Variants in DNM3 observed in about 807,000 individuals in gnomAD.
DNM3 encodes the protein dynamin-3.
DNM3 carries 47 observed loss-of-function variants against 101.6 expected under a neutral mutation model. The ratio of observed to expected loss-of-function variants is 0.46; its 90% CI spans 0.37 to 0.59. The LOEUF is 0.59. Ranked by LOEUF, DNM3 falls within the 20% of genes least tolerant of loss-of-function variation. The probability of loss-of-function intolerance (pLI) is 0.00; values close to 1 mark genes in which losing one functional copy is unlikely to be tolerated. For missense variants in DNM3, 849 were observed against 1,085.7 expected (o/e 0.78, Z 3.06); for synonymous variants, 385 against 387.9 (o/e 0.99, Z 0.09).
At chr1:171,847,911 T>C (rs2032407518) in intron 1 of DNM3, among the ~76,000 whole-genome samples, 1 of 151,672 alleles carries the variant, frequency 6.6e-6, no homozygotes, top group South Asian at 2.1e-4. Flanking sequence ...TGTGTGTGTG[T>C]GTGTGTGTGT....
intron 14 of DNM3, among the ~76,000 whole-genome samples, chr1:172,218,705 G>A (rs1158840582): frequency 6.6e-6 from 1 of 152,110 alleles, no homozygotes; most frequent in Non-Finnish European, 1.5e-5. Flanking sequence ...TCTATTGACT[G>A]TTGGGAGGAA....
At chr1:172,178,194 G>GA (rs1185607434) in intron 14 of DNM3, among the ~76,000 whole-genome samples, 1 of 151,840 alleles carries the variant, frequency 6.6e-6, no homozygotes, top group South Asian at 2.1e-4. Flanking sequence ...ATAATCTTAT[G>GA]AGACCACTGT....
At chr1:171,856,428 A>G (rs2033617911) in intron 1 of DNM3, among the ~76,000 whole-genome samples, 1 of 152,148 alleles carries the variant, frequency 6.6e-6, no homozygotes, top group South Asian at 2.1e-4. Context: ...TGGTAGTTTG[A>G]TAGGAATAAT....
intron 11 of DNM3, among the ~76,000 whole-genome samples, chr1:172,079,377 A>G (rs968716102): frequency 6.6e-6 from 1 of 151,782 alleles, no homozygotes; most frequent in Non-Finnish European, 1.5e-5. Flanking sequence ...TTGATCTTCA[A>G]TCTCTGATAT....
rs1399443040 is a variant in DNM3, at chr1:171,991,158, G to C, written c.589+2010G>C. On this transcript the variant is annotated intron_variant, in intron 4 of 20. Coordinates refer to ENST00000627582, the MANE Select transcript of DNM3 (RefSeq NM_015569.5). ...ACGCTTCTGACTCCAGATGTGTGGTGATTTCTCCCTACTGCAAACAAGCAA... is the reference window on the plus strand; with the variant it reads ...ACGCTTCTGACTCCAGATGTGTGGTCATTTCTCCCTACTGCAAACAAGCAA... 2.0e-5 allele frequency among the ~76,000 whole-genome samples: 3 copies of C among 152,244 alleles called. No individual in the cohort carries two copies. The East Asian group carries it at 5.8e-4, about 29-fold the overall frequency.
intron 2 of DNM3, among the ~76,000 whole-genome samples, chr1:171,923,410 C>T (rs1238935170): frequency 6.6e-6 from 1 of 152,020 alleles, no homozygotes; most frequent in Non-Finnish European, 1.5e-5. Flanking sequence ...AAATACAAGT[C>T]CCATATCAGA....
At chr1:171,846,332 T>C (rs1459081510) in intron 1 of DNM3, among the ~76,000 whole-genome samples, 2 of 152,198 alleles carry the variant, frequency 1.3e-5, no homozygotes, top group Non-Finnish European at 2.9e-5. Context: ...CTAGACTGGA[T>C]AGGATATCTC....
chr1:172,233,783 CA>C (rs2061430434), intron 14 of DNM3, among the ~76,000 whole-genome samples: 1 of 152,140 alleles, frequency 6.6e-6, no homozygotes, highest in African/African-American at 2.4e-5. Context: ...GAACCAACGA[CA>C]AAAACCACAT....
intron 14 of DNM3, among the ~76,000 whole-genome samples, chr1:172,177,891 C>G (rs1425785455): frequency 6.6e-6 from 1 of 151,736 alleles, no homozygotes; most frequent in Non-Finnish European, 1.5e-5. Context: ...GGGTTTTTTT[C>G]CCTTAATGTG....
At chr1:172,061,520 A>G (rs2051203574) in intron 10 of DNM3, among the ~76,000 whole-genome samples, 1 of 151,786 alleles carries the variant, frequency 6.6e-6, no homozygotes, top group South Asian at 2.1e-4. Context: ...ATGCAGCCAT[A>G]AAAAATGATG....
intron 1 of DNM3, among the ~76,000 whole-genome samples, chr1:171,900,847 G>A (rs906513852): frequency 1.3e-5 from 2 of 151,888 alleles, no homozygotes; most frequent in Non-Finnish European, 2.9e-5. Flanking sequence ...CGGTGGCTCC[G>A]CCTATAATCC....
chr1:172,065,071 G>A (rs2051546073), intron 10 of DNM3, among the ~76,000 whole-genome samples: 1 of 152,154 alleles, frequency 6.6e-6, no homozygotes, highest in African/African-American at 2.4e-5. Flanking sequence ...CCAGTAGATT[G>A]GAGGCATTCT....
At chr1:172,156,261 T>C (rs1376272933) in intron 14 of DNM3, among the ~76,000 whole-genome samples, 1 of 152,030 alleles carries the variant, frequency 6.6e-6, no homozygotes, top group African/African-American at 2.4e-5. Flanking sequence ...ACCCCAGTGT[T>C]TATGGTATAG....
At chr1:172,332,856 G>A (rs2066248832) in intron 17 of DNM3, among the ~76,000 whole-genome samples, 1 of 152,148 alleles carries the variant, frequency 6.6e-6, no homozygotes, top group Admixed American at 6.5e-5. Flanking sequence ...CAGATATTTG[G>A]ATGACTCTCA....
At chr1:172,274,273 G>A (rs2063193863) in intron 15 of DNM3, among the ~76,000 whole-genome samples, 1 of 152,048 alleles carries the variant, frequency 6.6e-6, no homozygotes, top group Admixed American at 6.6e-5. Context: ...TGATGATGCA[G>A]GGCAGATGGT....
At chr1:172,401,800 A>G (rs1439446435) in intron 20 of DNM3, among the ~76,000 whole-genome samples, 1 of 152,190 alleles carries the variant, frequency 6.6e-6, no homozygotes, top group African/African-American at 2.4e-5. Flanking sequence ...AAATTATAAA[A>G]TATTATCTTC....
chr1:172,378,887 A>G, intron 17 of DNM3, 131 bp from the exon 18 acceptor site: 1 of 1,067,374 alleles, frequency 9.4e-7, no homozygotes, highest in Non-Finnish European at 1.3e-6. Flanking sequence ...TGCATAAGAT[A>G]AAAATGTTAC....
rs57826674 is a variant in DNM3 at position 171,865,515 on chromosome 1, C to CAA, written c.161+23722_161+23723dup. ...TGGGTGACAGAGCAAGATCCTGTCTCAAAAAAAAAAAAAAAAAAAAAAAAA... is the reference window on the plus strand; with the variant it reads ...TGGGTGACAGAGCAAGATCCTGTCTCAAAAAAAAAAAAAAAAAAAAAAAAAAA... On this transcript the variant is annotated intron_variant, in intron 1 of 20. Coordinates refer to ENST00000627582, the MANE Select transcript of DNM3 (RefSeq NM_015569.5). Among the ~76,000 whole-genome samples, 307 of 80,214 alleles carry CAA rather than the reference C, an allele frequency of 3.8e-3. 1 individual carries two copies. Among genetic ancestry groups the CAA allele is most frequent in the Non-Finnish European group, 4.8e-3 (203 of 42,352 alleles). 52.6% of individuals were successfully genotyped at this position (80,214 alleles called of 152,430 possible).
intron 2 of DNM3, among the ~76,000 whole-genome samples, chr1:171,964,569 A>G (rs990138523): frequency 6.6e-6 from 1 of 152,118 alleles, no homozygotes; most frequent in Non-Finnish European, 1.5e-5. Flanking sequence ...CCTTGGGCAC[A>G]TGTTCTCAGG....
Sources: gnomAD v4.1 joint callset for allele counts (sites outside exome capture counted in the v4.1 genomes callset) on GRCh38, gnomAD v4.1.1 for gene constraint, MANE v1.5 for transcripts, NCBI Gene and HGNC (gene_info 2026-07-23, HGNC 2026-07-21) for gene names.